The following LAMA1 variants were observed in gnomAD, a reference collection of about 807,000 sequenced individuals.
LAMA1 encodes the protein laminin subunit alpha-1.
Under a neutral mutation model 348.7 loss-of-function variants are expected in LAMA1, and 219 were observed. That is an observed-to-expected ratio of 0.63 (90% CI 0.56 to 0.70). LAMA1 has a LOEUF of 0.70. LAMA1 is among the 30% of genes least tolerant of loss of function. LAMA1 has a pLI of 0.00. For synonymous variants in LAMA1, 1,487 were observed against 1,491.0 expected (o/e 1.00, Z 0.06); for missense variants, 3,744 against 3,888.0 (o/e 0.96, Z 0.99).
chr18:7,032,781 G>A (rs16951059), intron 15 of LAMA1, among the ~76,000 whole-genome samples: 37,916 of 152,122 alleles, frequency 0.25, 6,102 homozygotes, highest in African/African-American at 0.46. Flanking sequence ...AATATTGTCC[G>A]GTGCTCCAGC....
rs1600338867 is a variant in LAMA1, at chr18:6,947,430, G to C, written c.8711-134C>G. On this transcript the variant is annotated intron_variant, in intron 60 of 62. Transcript: ENST00000389658. Reference sequence around the variant, plus strand: ...GATCCAGCTGCATCCCCACCAGCAGGTCACTCCTGCCCTCTGAGCCTCGGC... The same window carrying C: ...GATCCAGCTGCATCCCCACCAGCAGCTCACTCCTGCCCTCTGAGCCTCGGC... The C allele has an allele frequency of 4.9e-6, 5 of 1,016,256 alleles. No individual in the cohort carries two copies. The East Asian group carries it at 1.3e-4, about 26-fold the overall frequency. 63.0% of individuals were successfully genotyped at this position (1,016,256 alleles called of 1,614,324 possible).
In LAMA1 at chr18:6,993,136, A is replaced by G. The variant is rs544259839; in HGVS notation, c.5009-416T>C. Among the ~76,000 whole-genome samples, 17 of 152,310 alleles carry G rather than the reference A, an allele frequency of 1.1e-4. No homozygotes were observed. The South Asian group carries it at 3.5e-3, about 32-fold the overall frequency. ...ATAATTTCCTTACCTTTTGCCCTAT[A>G]AAGTCTGATTTTTATTGGATTCTGT... On this transcript the variant is annotated intron_variant, in intron 35 of 62. Coordinates refer to ENST00000389658, the MANE Select transcript of LAMA1 (RefSeq NM_005559.4).
At chr18:7,096,702 T>C (rs1250451255) in intron 1 of LAMA1, among the ~76,000 whole-genome samples, 1 of 152,004 alleles carries the variant, frequency 6.6e-6, no homozygotes, top group Non-Finnish European at 1.5e-5. Context: ...TGTATATATA[T>C]AAAATATAGA....
At chr18:7,096,334 A>C (rs1191625628) in intron 1 of LAMA1, among the ~76,000 whole-genome samples, 1 of 152,196 alleles carries the variant, frequency 6.6e-6, no homozygotes, top group African/African-American at 2.4e-5. Context: ...TGACTAATGG[A>C]AACAGATTTC....
At chr18:6,982,405 T>C (rs1388366282) in intron 41 of LAMA1, 92 bp downstream of exon 41, 12 of 1,006,958 alleles carry the variant, frequency 1.2e-5, no homozygotes, top group Admixed American at 1.7e-5. Context: ...AAGCTTCAAG[T>C]TGCTGCATGC....
intron 1 of LAMA1, among the ~76,000 whole-genome samples, chr18:7,108,639 T>TAAAAAAAAAAAAAAAA (rs1381971628): frequency 7.7e-5 from 1 of 13,046 alleles, no homozygotes; most frequent in African/African-American, 6.3e-4. Flanking sequence ...AGACTCTGTC[T>TAAAAAAAAAAAAAAAA]CAAAAAAAAA....
chr18:7,077,674 C>T, intron 3 of LAMA1, among the ~76,000 whole-genome samples: 1 of 152,064 alleles, frequency 6.6e-6, no homozygotes, highest in Non-Finnish European at 1.5e-5. Context: ...ATGTCCAGGT[C>T]TTAATTTGGC....
At chr18:6,951,068 T>A (rs58396295) in intron 57 of LAMA1, 97 bp from the exon 58 acceptor site, 1 of 1,063,210 alleles carries the variant, frequency 9.4e-7, no homozygotes, top group Non-Finnish European at 1.4e-6. Flanking sequence ...AGCGTTTACA[T>A]TGAACATCTC....
intron 60 of LAMA1, among the ~76,000 whole-genome samples, chr18:6,947,867 G>A (rs964801821): frequency 2.6e-5 from 4 of 152,192 alleles, no homozygotes; most frequent in African/African-American, 9.7e-5. Flanking sequence ...GGGAAAAGGG[G>A]AGAAGATGGT....
chr18:6,942,379 C>A, intron 62 of LAMA1, 140 bp from the exon 63 acceptor site: 1 of 916,702 alleles, frequency 1.1e-6, no homozygotes, highest in Admixed American at 2.6e-5. Context: ...GAATATCTTC[C>A]ACATATGTGG....
chr18:7,081,176 AC>A (rs948566268), intron 1 of LAMA1, among the ~76,000 whole-genome samples: 4 of 152,116 alleles, frequency 2.6e-5, no homozygotes, highest in African/African-American at 9.7e-5. Flanking sequence ...ACAAAAAAAA[AC>A]CAAGGCGAGA....
rs1362463053 is a variant in LAMA1, at chr18:6,955,470, A to C, written c.8095-5T>G. On this transcript the variant is annotated splice_polypyrimidine_tract_variant and splice_region_variant and intron_variant, in intron 56 of 62. Transcript: ENST00000389658. ...TGCATCCACCACACACTGTTCCTGT[A>C]AGAGACACACAGGGACACTCAGCCG... 1 of 1,609,778 alleles carries C rather than the reference A, an allele frequency of 6.2e-7. No homozygotes were observed. Among genetic ancestry groups the C allele is most frequent in the East Asian group, 2.2e-5 (1 of 44,848 alleles).
At chr18:6,951,347 G>A (rs2057545778) in intron 57 of LAMA1, among the ~76,000 whole-genome samples, 1 of 152,226 alleles carries the variant, frequency 6.6e-6, no homozygotes, top group Admixed American at 6.5e-5. Flanking sequence ...TGACAGAAAG[G>A]GGCAAGCCCC....
In LAMA1 at chr18:7,038,831, G is replaced by A; in HGVS notation, c.1542C>T (p.Ser514=). ...FCFGVSDVCS[S]LSWPVGQVNS... Reference sequence around the variant, plus strand: ...CCACCTGACCAACAGGCCAAGAGAGGCTGCTGCAGACATCAGAAACGCCAA... The same window carrying A: ...CCACCTGACCAACAGGCCAAGAGAGACTGCTGCAGACATCAGAAACGCCAA... Residue 514 remains serine, a synonymous_variant, in exon 11 of 63, where the codon AGC becomes AGT. Coordinates refer to ENST00000389658, the MANE Select transcript of LAMA1 (RefSeq NM_005559.4). 1 of 1,614,200 alleles carries A rather than the reference G, an allele frequency of 6.2e-7. No individual in the cohort carries two copies. Among genetic ancestry groups the A allele is most frequent in the Non-Finnish European group, 8.5e-7 (1 of 1,180,042 alleles).
At position 7,021,717 on chromosome 18, in the gene LAMA1, T is replaced by C. The variant is rs551205995; in HGVS notation, c.2701+1447A>G. Among the ~76,000 whole-genome samples, 373 of 150,108 alleles carry C rather than the reference T, an allele frequency of 2.5e-3. 2 individuals carry two copies. Among genetic ancestry groups the C allele is most frequent in the African/African-American group, 8.3e-3 (341 of 40,956 alleles). On this transcript the variant is annotated intron_variant, in intron 19 of 62. Transcript: ENST00000389658. ...CCTACTTCTTTTTACTATTGAAAAA[T>C]GTGACTACTAAAAAATTTTAAATTA... is the stretch of plus-strand genomic sequence containing the variant.
At chr18:7,079,834 T>A (rs144849141) in intron 3 of LAMA1, 141 bp downstream of exon 3, 1 of 707,082 alleles carries the variant, frequency 1.4e-6, no homozygotes, top group Non-Finnish European at 2.6e-6. Context: ...TCCTTCTGTA[T>A]ACCACTTGCC....
intron 61 of LAMA1, among the ~76,000 whole-genome samples, chr18:6,946,645 G>T (rs767043520): frequency 2.0e-5 from 3 of 152,036 alleles, no homozygotes; most frequent in Non-Finnish European, 4.4e-5. Context: ...CTTGGACCTG[G>T]GAGGCAGAGG....
In LAMA1 at chr18:6,992,630, G is replaced by A. The variant is rs757410592; in HGVS notation, c.5099C>T (p.Thr1700Ile). 1.9e-6 allele frequency: 3 copies of A among 1,613,806 alleles called. No homozygotes were observed. The highest frequency in any genetic ancestry group is 2.2e-5 in the East Asian group (1 of 44,876). The change falls in exon 36 of 63, where the codon ACA (threonine) becomes ATA (isoleucine). Residue 1700 changes from threonine (T) to isoleucine (I), a missense_variant. By Grantham distance (89) the Thr-to-Ile change is moderately conservative (BLOSUM62 -1). Around this residue, in one of 3 missense-constraint regions of LAMA1, gnomAD observed 1,983 missense variants for 1,934.3 expected, o/e 1.03. Transcript: ENST00000389658. The part of the protein sequence containing the change: ...STLQNMQQNG[T>I]SLLEIMQIRD... Reference sequence around the variant, plus strand: ...TATCTGCATGATTTCTAGCAAAGATGTACCATTCTGTTGCATGTTCTGAAG... The same window carrying A: ...TATCTGCATGATTTCTAGCAAAGATATACCATTCTGTTGCATGTTCTGAAG...
At chr18:7,078,073 A>C (rs1373544841) in intron 3 of LAMA1, among the ~76,000 whole-genome samples, 1 of 150,736 alleles carries the variant, frequency 6.6e-6, no homozygotes, top group Non-Finnish European at 1.5e-5. Context: ...TCAAAAAAAA[A>C]AAAAAAACAA....
Sources: allele counts gnomAD v4.1 joint callset (sites outside exome capture counted in the v4.1 genomes callset), GRCh38; gene constraint gnomAD v4.1.1; regional missense constraint gnomAD v4.1.1; transcripts MANE v1.5; gene names NCBI Gene and HGNC (gene_info 2026-07-23, HGNC 2026-07-21).